The following INTS6 variants were observed in gnomAD, a reference collection of about 807,000 sequenced individuals.
INTS6 encodes the protein integrator complex subunit 6, also known as DEAD box protein.
In INTS6, 16 loss-of-function variants were observed where a neutral mutation model predicts 104.9. The ratio of observed to expected loss-of-function variants is 0.15; its 90% confidence interval spans 0.10 to 0.23. The LOEUF is 0.23. INTS6 is among the 10% of genes least tolerant of loss of function. INTS6 has a pLI of 1.00. For synonymous variants in INTS6, 324 were observed against 358.7 expected (o/e 0.90, Z 1.09); for missense variants, 584 against 1,062.8 (o/e 0.55, Z 6.26).
intron 4 of INTS6, among the ~76,000 whole-genome samples, chr13:51,397,467 A>G (rs1310553997): frequency 2.0e-5 from 3 of 152,190 alleles, no homozygotes; most frequent in Non-Finnish European, 4.4e-5. Context: ...ATGCTGAAGA[A>G]ATCTGGGCCA....
At chr13:51,344,380 G>T in the INTS6 span, 7 of 1,613,138 alleles carry the variant, frequency 4.3e-6, no homozygotes, top group Non-Finnish European at 5.9e-6. Flanking sequence ...CTGCTTTGTG[G>T]AGCACGTCTC....
chr13:51,433,065 A>C (rs9316543), intron 3 of INTS6, among the ~76,000 whole-genome samples: 150,474 of 152,280 alleles, frequency 0.99, 74,349 homozygotes, highest in East Asian at 1. Flanking sequence ...CTTTCAAAAA[A>C]AAATCAGCAA....
chr13:51,430,268 A>G, intron 4 of INTS6, 26 bp downstream of exon 4: 1 of 1,581,972 alleles, frequency 6.3e-7, no homozygotes, highest in Non-Finnish European at 8.7e-7. Context: ...CATTTGCATA[A>G]TCCATGTAAT....
intron 4 of INTS6, among the ~76,000 whole-genome samples, chr13:51,416,589 T>A (rs1261944012): frequency 6.6e-6 from 1 of 152,236 alleles, no homozygotes; most frequent in Non-Finnish European, 1.5e-5. Context: ...TATTCCATTG[T>A]ATGGATGTAT....
intron 3 of INTS6, chr13:51,436,836 G>A (rs1386670178): frequency 6.6e-6 from 1 of 152,098 alleles, no homozygotes; most frequent in African/African-American, 2.4e-5. Flanking sequence ...ACTGGTCTGG[G>A]GAATGCCTAA....
intron 7 of INTS6, among the ~76,000 whole-genome samples, chr13:51,386,304 A>AAATAG (rs144327342): frequency 0.011 from 1,719 of 152,274 alleles, 26 homozygotes; most frequent in East Asian, 0.07. Context: ...CATGTTAAAT[A>AAATAG]AATAGAATAA....
At chr13:51,426,188 C>T (rs75946977) in intron 4 of INTS6, among the ~76,000 whole-genome samples, 1,728 of 152,088 alleles carry the variant, frequency 0.011, 26 homozygotes, top group East Asian at 0.071. Context: ...GTATCTATTA[C>T]TTTTCTTTCC....
intron 6 of INTS6, among the ~76,000 whole-genome samples, chr13:51,389,032 A>C (rs1566217940): frequency 6.6e-6 from 1 of 152,244 alleles, no homozygotes; most frequent in Non-Finnish European, 1.5e-5. Flanking sequence ...CAATTGTATA[A>C]TACTACAAAG....
chr13:51,409,748 C>A (rs1956648456), intron 4 of INTS6, among the ~76,000 whole-genome samples: 1 of 152,054 alleles, frequency 6.6e-6, no homozygotes, highest in Non-Finnish European at 1.5e-5. Context: ...AATGTCCATT[C>A]TCACTACTTC....
intron 3 of INTS6, chr13:51,440,574 A>G (rs1593770814): frequency 6.6e-6 from 1 of 152,336 alleles, no homozygotes; most frequent in East Asian, 1.9e-4. Flanking sequence ...AGCTACATTC[A>G]TGGTAAGTGC....
At chr13:51,340,840 G>A in the INTS6 span, 4 of 558,884 alleles carry the variant, frequency 7.2e-6, no homozygotes, top group African/African-American at 7.5e-5. Context: ...CAGACCCACA[G>A]TTTGGCTGCC....
At chr13:51,369,362 C>T (rs1955760742) in intron 15 of INTS6, 52 bp from the exon 16 acceptor site, 4 of 1,520,354 alleles carry the variant, frequency 2.6e-6, no homozygotes, top group African/African-American at 2.8e-5. Flanking sequence ...TCAAAGCATA[C>T]AGTAAATAAA....
the INTS6 span, among the ~76,000 whole-genome samples, chr13:51,347,600 T>A: frequency 3.9e-5 from 6 of 152,334 alleles, no homozygotes; most frequent in East Asian, 1.2e-3. Flanking sequence ...TGTACCCTTA[T>A]CCATGATTTT....
At chr13:51,420,053 G>A (rs375207177) in intron 4 of INTS6, among the ~76,000 whole-genome samples, 1 of 152,042 alleles carries the variant, frequency 6.6e-6, no homozygotes, top group Non-Finnish European at 1.5e-5. Context: ...CACTATACAG[G>A]CTGAAAAACC....
intron 15 of INTS6, among the ~76,000 whole-genome samples, chr13:51,370,466 GT>G (rs1955781701): frequency 6.6e-6 from 1 of 152,142 alleles, no homozygotes; most frequent in African/African-American, 2.4e-5. Context: ...CCTTCCTTCT[GT>G]TGTGCTGAGC....
chr13:51,389,511 C>A, intron 5 of INTS6, 67 bp from the exon 6 acceptor site: 10 of 1,333,030 alleles, frequency 7.5e-6, no homozygotes, highest in East Asian at 5.6e-5. Context: ...GCAAGAATTC[C>A]TATCATTAGC....
downstream of INTS6, among the ~76,000 whole-genome samples, chr13:51,357,093 C>T (rs61956917): frequency 0.054 from 8,154 of 152,204 alleles, 253 homozygotes; most frequent in South Asian, 0.098. Context: ...AGCAGCAAAA[C>T]TGAGTAGTTG....
At chr13:51,395,118 A>G (rs1956312284) in intron 5 of INTS6, among the ~76,000 whole-genome samples, 182 bp downstream of exon 5, 1 of 152,258 alleles carries the variant, frequency 6.6e-6, no homozygotes, top group Admixed American at 6.5e-5. Flanking sequence ...AGTAACCCAC[A>G]TTCTATTCAA....
chr13:51,348,178 G>A, the INTS6 span: 246 of 1,509,716 alleles, frequency 1.6e-4, no homozygotes, highest in Admixed American at 2.7e-4. Context: ...CTGGCTCCTG[G>A]GACAGAGCTG....
Sources: gnomAD v4.1 joint callset for allele counts (sites outside exome capture counted in the v4.1 genomes callset) on GRCh38, gnomAD v4.1.1 for gene constraint, MANE v1.5 for transcripts, NCBI Gene and HGNC (gene_info 2026-07-23, HGNC 2026-07-21) for gene names.